The following NAV2 variants were observed in gnomAD, a reference collection of about 807,000 sequenced individuals.
The protein encoded by NAV2 is neuron navigator 2, also known as helicase, APC down-regulated 1.
In NAV2, 54 loss-of-function variants were observed where a neutral mutation model predicts 223.2. The observed-to-expected ratio is 0.24, with a 90% CI of 0.19 to 0.30. NAV2 has a LOEUF of 0.30. NAV2 is among the 10% of genes least tolerant of loss of function. The pLI is 1.00. For missense variants in NAV2, 2,806 were observed against 3,147.5 expected, an observed-to-expected ratio of 0.89 and a Z score of 2.60; for synonymous variants, 1,279 against 1,239.3, an observed-to-expected ratio of 1.03 and a Z score of -0.67.
chr11:19,467,364 C>A (rs1421854579), intron 1 of NAV2, among the ~76,000 whole-genome samples: 1 of 152,038 alleles, frequency 6.6e-6, no homozygotes, highest in African/African-American at 2.4e-5. Flanking sequence ...TAATGTACAT[C>A]TTTGAACACA....
At chr11:19,436,573 G>C (rs951417989) in intron 1 of NAV2, among the ~76,000 whole-genome samples, 21 of 151,960 alleles carry the variant, frequency 1.4e-4, no homozygotes, top group African/African-American at 4.3e-4. Context: ...GGTCTCTCAT[G>C]GTTCCATTGA....
chr11:19,501,905 A>G (rs942032384), intron 1 of NAV2, among the ~76,000 whole-genome samples: 1 of 152,128 alleles, frequency 6.6e-6, no homozygotes, highest in Non-Finnish European at 1.5e-5. Flanking sequence ...AGTTTCAGGC[A>G]GACAAAAAGA....
intron 10 of NAV2, among the ~76,000 whole-genome samples, chr11:19,963,231 C>T (rs10766608): frequency 0.52 from 79,786 of 151,988 alleles, 21,265 homozygotes; most frequent in Non-Finnish European, 0.55. Context: ...ACTCTTTCCA[C>T]TAGTTATTTG....
In NAV2 at chr11:20,077,991, A is replaced by G. The variant is rs1383098362; in HGVS notation, c.5068-2A>G. 2 of 1,609,026 alleles carry G rather than the reference A, an allele frequency of 1.2e-6. No individual in the cohort carries two copies. Among genetic ancestry groups the G allele is most frequent in the East Asian group, 2.2e-5 (1 of 44,816 alleles). On this transcript the variant is annotated splice_acceptor_variant, in intron 23 of 37. Transcript: ENST00000349880. LOFTEE classifies it high-confidence loss of function. ...TGACCAATAATTTTTTCTGTTCCCT[A>G]GGACTCAGAACTGAATGAGTTAAGA...
chr11:19,564,967 TC>T (rs1019681946), intron 1 of NAV2, among the ~76,000 whole-genome samples: 31 of 152,078 alleles, frequency 2.0e-4, no homozygotes, highest in African/African-American at 7.5e-4. Context: ...AAACCCTACC[TC>T]TACTAAAAAA....
At chr11:19,528,866 T>G (rs7130147) in intron 1 of NAV2, among the ~76,000 whole-genome samples, 81,727 of 148,030 alleles carry the variant, frequency 0.55, 23,053 homozygotes, top group South Asian at 0.64. Flanking sequence ...GGAGGTGGAG[T>G]TTGCAGTTAG....
chr11:20,095,372 A>G (rs2061174018), intron 29 of NAV2, among the ~76,000 whole-genome samples: 1 of 152,172 alleles, frequency 6.6e-6, no homozygotes, highest in African/African-American at 2.4e-5. Flanking sequence ...ATGTGGAGAG[A>G]GTTCCATACA....
At chr11:19,500,962 G>T (rs1377611994) in intron 1 of NAV2, among the ~76,000 whole-genome samples, 1 of 152,136 alleles carries the variant, frequency 6.6e-6, no homozygotes, top group Non-Finnish European at 1.5e-5. Flanking sequence ...CGTCTCACTG[G>T]GCTAAAATCA....
At chr11:19,419,784 C>T (rs1850533747) in intron 1 of NAV2, among the ~76,000 whole-genome samples, 1 of 152,156 alleles carries the variant, frequency 6.6e-6, no homozygotes, top group Non-Finnish European at 1.5e-5. Flanking sequence ...AATTAAGAGT[C>T]AGTTTAAACT....
In NAV2 at chr11:20,108,436, A is replaced by T. The variant is rs1373025766; in HGVS notation, c.6960+654A>T. Among the ~76,000 whole-genome samples, 5 of 151,974 alleles carry T rather than the reference A, an allele frequency of 3.3e-5. No individual in the cohort carries two copies. In the East Asian group the frequency reaches 9.7e-4, roughly 29 times the overall value. Reference sequence around the variant, plus strand: ...TCCTCCTGCCTGACAGCAGTTGGAAAGCACAAATTCTTTTTATTTTTTTTT... The same window carrying T: ...TCCTCCTGCCTGACAGCAGTTGGAATGCACAAATTCTTTTTATTTTTTTTT... On this transcript the variant is annotated intron_variant, in intron 36 of 37. Transcript: ENST00000349880.
intron 1 of NAV2, among the ~76,000 whole-genome samples, chr11:19,571,053 A>C (rs2045410970): frequency 2.0e-5 from 3 of 152,258 alleles, no homozygotes; most frequent in African/African-American, 7.2e-5. Flanking sequence ...TCAACAGATT[A>C]ATAGATAAAC....
At position 20,118,121 on chromosome 11, in the gene NAV2, C is replaced by G. The variant is rs1218193438; in HGVS notation, c.7165-12C>G. The G allele has an allele frequency of 4.3e-6, 7 of 1,612,838 alleles. No individual in the cohort carries two copies. Among genetic ancestry groups the G allele is most frequent in the Non-Finnish European group, 5.9e-6 (7 of 1,179,474 alleles). ...ACAGAAAGCAGCTCATGCTTCTCCA[C>G]TCTTCCCCTAGATGAACATGCTGAT... On this transcript the variant is annotated splice_polypyrimidine_tract_variant and intron_variant, in intron 37 of 37. Coordinates refer to ENST00000349880, the MANE Select transcript of NAV2 (RefSeq NM_145117.5).
chr11:19,349,379 C>T (rs530474319), upstream of NAV2, among the ~76,000 whole-genome samples: 17 of 152,314 alleles, frequency 1.1e-4, no homozygotes, highest in African/African-American at 3.8e-4. Context: ...GTCTCATGTC[C>T]GCCTCTTAAC....
chr11:20,048,816 A>T lies in NAV2; in HGVS notation c.3991A>T (p.Thr1331Ser). ...NSVVISNPHA[T>S]MTQQGNLDSP... Reference sequence around the variant, plus strand: ...GGTGGTCATCTCCAATCCTCATGCCACCATGACTCAGCAAGGTAACCTAGA... The same window carrying T: ...GGTGGTCATCTCCAATCCTCATGCCTCCATGACTCAGCAAGGTAACCTAGA... Residue 1331 changes from threonine (T) to serine (S), a missense_variant, in exon 15 of 38, where the codon ACC (threonine) becomes TCC (serine). Around this residue, in one of 4 missense-constraint regions of NAV2, gnomAD observed 742 missense variants for 777.9 expected, o/e 0.95. Coordinates refer to ENST00000349880, the MANE Select transcript of NAV2 (RefSeq NM_145117.5). The T allele has an allele frequency of 6.2e-7, 1 of 1,614,152 alleles. No individual in the cohort carries two copies. Among genetic ancestry groups the T allele is most frequent in the Non-Finnish European group, 8.5e-7 (1 of 1,180,016 alleles).
intron 1 of NAV2, among the ~76,000 whole-genome samples, chr11:19,813,942 C>A (rs1347563188): frequency 6.6e-6 from 1 of 152,120 alleles, no homozygotes; most frequent in Admixed American, 6.5e-5. Context: ...GAGATGGTTT[C>A]AATTTATTTT....
intron 11 of NAV2, among the ~76,000 whole-genome samples, chr11:20,003,975 T>G (rs774781475): frequency 6.6e-6 from 1 of 152,222 alleles, no homozygotes; most frequent in Non-Finnish European, 1.5e-5. Context: ...GGAAGGCTCA[T>G]GTGAGTTCAG....
intron 17 of NAV2, among the ~76,000 whole-genome samples, chr11:20,052,700 A>G (rs943430702): frequency 6.6e-6 from 1 of 152,214 alleles, no homozygotes; most frequent in Non-Finnish European, 1.5e-5. Context: ...GGAAAGTTGC[A>G]TGTCTGTCAG....
chr11:19,364,829 G>A (rs1854169564), intron 1 of NAV2, among the ~76,000 whole-genome samples: 1 of 152,178 alleles, frequency 6.6e-6, no homozygotes, highest in Non-Finnish European at 1.5e-5. Flanking sequence ...TGTCATCATG[G>A]AATTCTTTTA....
chr11:19,922,055 C>T (rs1291618707), intron 6 of NAV2, among the ~76,000 whole-genome samples: 1 of 152,118 alleles, frequency 6.6e-6, no homozygotes, highest in African/African-American at 2.4e-5. Flanking sequence ...CAGGCTGACT[C>T]AATTCCCCTT....
Sources: gnomAD v4.1 joint callset for allele counts (sites outside exome capture counted in the v4.1 genomes callset) on GRCh38, gnomAD v4.1.1 for gene constraint, gnomAD v4.1.1 regional missense constraint, MANE v1.5 for transcripts, NCBI Gene and HGNC (gene_info 2026-07-23, HGNC 2026-07-21) for gene names.